ENTREP2: variants seen among roughly 807,000 people sequenced by gnomAD.
The protein encoded by ENTREP2 is protein ENTREP2.
chr15:29,317,812 C>T, the ENTREP2 span, among the ~76,000 whole-genome samples: 3 of 152,066 alleles, frequency 2.0e-5, no homozygotes, highest in African/African-American at 7.2e-5. Flanking sequence ...GGCCTTCATC[C>T]GACCCGGGTG....
the ENTREP2 span, among the ~76,000 whole-genome samples, chr15:29,251,620 G>A: frequency 2.0e-5 from 3 of 151,408 alleles, no homozygotes; most frequent in Non-Finnish European, 4.4e-5. Flanking sequence ...AACGTGGCCC[G>A]AGGAAGCCAA....
the ENTREP2 span, among the ~76,000 whole-genome samples, chr15:29,146,869 AGGTTGT>A: frequency 6.6e-6 from 1 of 151,864 alleles, no homozygotes. Context: ...TGGGAGGCAG[AGGTTGT>A]GGTGAGCCGA....
chr15:29,177,031 C>T, the ENTREP2 span, among the ~76,000 whole-genome samples: 1 of 152,178 alleles, frequency 6.6e-6, no homozygotes, highest in African/African-American at 2.4e-5. Flanking sequence ...CCAGGACTTT[C>T]AAGAGGTAGA....
the ENTREP2 span, among the ~76,000 whole-genome samples, chr15:29,322,954 C>T: frequency 1.5e-3 from 221 of 152,134 alleles, no homozygotes; most frequent in African/African-American, 5.1e-3. Flanking sequence ...TTTCGGTTTA[C>T]GGTAATAATA....
At chr15:29,139,218 A>G in the ENTREP2 span, among the ~76,000 whole-genome samples, 1 of 152,204 alleles carries the variant, frequency 6.6e-6, no homozygotes, top group East Asian at 1.9e-4. Flanking sequence ...GGCCGTGTCT[A>G]AAGGTCTAAC....
chr15:29,494,908 GTGTT>G, the ENTREP2 span, among the ~76,000 whole-genome samples: 32 of 152,184 alleles, frequency 2.1e-4, no homozygotes, highest in African/African-American at 7.0e-4. Context: ...GTCTGGATGT[GTGTT>G]TGTATGTGTG....
chr15:29,537,529 C>CA, the ENTREP2 span, among the ~76,000 whole-genome samples: 3 of 152,168 alleles, frequency 2.0e-5, no homozygotes, highest in Admixed American at 1.3e-4. Flanking sequence ...ACAGTACATG[C>CA]AAATCCAACT....
the ENTREP2 span, chr15:29,123,429 G>A: frequency 1.9e-6 from 3 of 1,551,676 alleles, no homozygotes; most frequent in Non-Finnish European, 1.7e-6. Context: ...CACCCACCAT[G>A]TGCTGTGCCT....
chr15:29,473,301 G>A, the ENTREP2 span, among the ~76,000 whole-genome samples: 31 of 151,718 alleles, frequency 2.0e-4, no homozygotes, highest in South Asian at 6.5e-3. Flanking sequence ...GCTGGAATGT[G>A]CCCTCTTCTA....
the ENTREP2 span, among the ~76,000 whole-genome samples, chr15:29,143,032 T>G: frequency 1.3e-5 from 2 of 152,214 alleles, no homozygotes; most frequent in African/African-American, 4.8e-5. Flanking sequence ...AACGCTTTGC[T>G]TCTCATGGAT....
At chr15:29,489,521 G>C in the ENTREP2 span, among the ~76,000 whole-genome samples, 1 of 151,846 alleles carries the variant, frequency 6.6e-6, no homozygotes, top group East Asian at 1.9e-4. Context: ...TATTTTACAA[G>C]AATGTAAGAG....
chr15:29,641,715 C>T, the ENTREP2 span, among the ~76,000 whole-genome samples: 1 of 151,508 alleles, frequency 6.6e-6, no homozygotes, highest in East Asian at 1.9e-4. Context: ...ACCTGTAGTC[C>T]CAGCTACTCA....
the ENTREP2 span, among the ~76,000 whole-genome samples, chr15:29,372,298 T>C: frequency 1.3e-5 from 2 of 152,208 alleles, no homozygotes; most frequent in East Asian, 1.9e-4. Flanking sequence ...ACTTAATTAA[T>C]AGTAAATACA....
chr15:29,667,869 C>G, the ENTREP2 span, among the ~76,000 whole-genome samples: 1 of 152,116 alleles, frequency 6.6e-6, no homozygotes, highest in Non-Finnish European at 1.5e-5. Context: ...TGTAGAGTCG[C>G]TATTTGCTCT....
the ENTREP2 span, among the ~76,000 whole-genome samples, chr15:29,217,746 C>A: frequency 2.0e-5 from 3 of 152,068 alleles, no homozygotes; most frequent in African/African-American, 4.8e-5. Context: ...CTCCTGAATT[C>A]TTTTTCAGGT....
the ENTREP2 span, among the ~76,000 whole-genome samples, chr15:29,172,256 G>T: frequency 2.0e-5 from 3 of 152,158 alleles, no homozygotes; most frequent in East Asian, 3.9e-4. Context: ...GTTCCATCGT[G>T]ATGTACTGAT....
the ENTREP2 span, among the ~76,000 whole-genome samples, chr15:29,561,671 G>A: frequency 6.7e-6 from 1 of 150,028 alleles, no homozygotes; most frequent in African/African-American, 2.5e-5. Context: ...CTGGGCAACA[G>A]AGCGAGACTC....
chr15:29,533,109 C>T, the ENTREP2 span, among the ~76,000 whole-genome samples: 2 of 152,208 alleles, frequency 1.3e-5, no homozygotes. Context: ...GGATAGGCTT[C>T]GTAGCAGCAC....
the ENTREP2 span, among the ~76,000 whole-genome samples, chr15:29,624,331 G>GTGCA: frequency 1.3e-5 from 2 of 151,146 alleles, no homozygotes; most frequent in African/African-American, 2.5e-5. Flanking sequence ...ACATGCACGT[G>GTGCA]CGCACACACA....
Sources: gnomAD v4.1 joint callset for allele counts (sites outside exome capture counted in the v4.1 genomes callset) on GRCh38, gnomAD v4.1.1 for gene constraint, MANE v1.5 for transcripts, NCBI Gene and HGNC (gene_info 2026-07-23, HGNC 2026-07-21) for gene names.